The following KCNAB2 variants were observed in gnomAD, a reference collection of about 807,000 sequenced individuals.
KCNAB2 encodes voltage-gated potassium channel subunit beta-2.
In KCNAB2, 29 loss-of-function variants were observed where a neutral mutation model predicts 63.6. That is an observed-to-expected ratio of 0.46 (90% CI 0.34 to 0.62). KCNAB2 has a LOEUF of 0.62. Among genes scored for constraint, KCNAB2 ranks in the 20% least tolerant of loss-of-function variants. The pLI is 0.01. For synonymous variants in KCNAB2, 222 were observed against 224.2 expected, an observed-to-expected ratio of 0.99 and a Z score of 0.09; for missense variants, 359 against 563.9, an observed-to-expected ratio of 0.64 and a Z score of 3.68.
intron 1 of KCNAB2, 59 bp from the exon 2 acceptor site, chr1:6,051,452 A>G: frequency 7.0e-7 from 1 of 1,418,458 alleles, no homozygotes; most frequent in East Asian, 2.6e-5. Flanking sequence ...AGGGCCAGCC[A>G]TCCAGCCTGG....
intron 1 of KCNAB2, among the ~76,000 whole-genome samples, chr1:6,004,564 G>T (rs1185216340): frequency 6.6e-6 from 1 of 151,704 alleles, no homozygotes; most frequent in Non-Finnish European, 1.5e-5. Context: ...AGTGTTCCTT[G>T]GCTTGTAGAA....
At chr1:5,998,425 A>G (rs2102534527) in intron 1 of KCNAB2, among the ~76,000 whole-genome samples, 1 of 152,332 alleles carries the variant, frequency 6.6e-6, no homozygotes. Flanking sequence ...CTTGGACAGC[A>G]GTGCCCACTG....
At position 6,096,614 on chromosome 1, in the gene KCNAB2, T is replaced by G; in HGVS notation, c.949-22T>G. On this transcript the variant is annotated intron_variant, in intron 13 of 15. Transcript: ENST00000378083. This position sits in a 1 kb window ranked among gnomAD's most constrained non-coding sequence, Gnocchi z 5.9. Reference sequence around the variant, plus strand: ...GACCTGCTCTCATCTGTAGCTGTGCTGCTCCCCTCCCCCGCAACCAGGGCT... The same window carrying G: ...GACCTGCTCTCATCTGTAGCTGTGCGGCTCCCCTCCCCCGCAACCAGGGCT... The G allele has an allele frequency of 6.2e-7, 1 of 1,606,728 alleles. No homozygotes were observed. The highest frequency in any genetic ancestry group is 8.5e-7 in the Non-Finnish European group (1 of 1,176,960).
At chr1:6,097,535 C>A (rs1166702576) in intron 15 of KCNAB2, 178 bp downstream of exon 15, 2 of 1,094,230 alleles carry the variant, frequency 1.8e-6, no homozygotes, top group Non-Finnish European at 2.7e-6. Flanking sequence ...GACATGAACA[C>A]TAACTGCACG....
chr1:6,001,287 A>T (rs552327251), intron 1 of KCNAB2, among the ~76,000 whole-genome samples: 1 of 141,966 alleles, frequency 7.0e-6, no homozygotes, highest in South Asian at 2.2e-4. Flanking sequence ...CTCCAGCTGC[A>T]TGTGATCACC....
At chr1:6,097,539 C>G in intron 15 of KCNAB2, 182 bp downstream of exon 15, 1 of 1,050,010 alleles carries the variant, frequency 9.5e-7, no homozygotes, top group Non-Finnish European at 1.4e-6. Flanking sequence ...TGAACACTAA[C>G]TGCACGAAAC....
At chr1:6,091,152 G>T in intron 9 of KCNAB2, 111 bp from the exon 10 acceptor site, 1 of 756,948 alleles carries the variant, frequency 1.3e-6, no homozygotes. Flanking sequence ...TTAACTAAAC[G>T]CGTGTTCTGC....
intron 4 of KCNAB2, among the ~76,000 whole-genome samples, chr1:6,079,040 C>T (rs577094670): frequency 4.3e-4 from 65 of 152,038 alleles, no homozygotes; most frequent in Admixed American, 2.2e-3. Context: ...GGGGAAGCCG[C>T]GGCAGGGGCT....
rs554958421 is a variant in KCNAB2, at chr1:6,074,730, C to T, written c.300+960C>T. On this transcript the variant is annotated intron_variant, in intron 4 of 15. Transcript: ENST00000378083. This position sits in a 1 kb window ranked among gnomAD's most constrained non-coding sequence, Gnocchi z 4.9. ...ACCCCAGCACTTTGGAAGGCTGGGG[C>T]GGGCGGATCACCTGAGGTCAGGAGT... Among the ~76,000 whole-genome samples the T allele has an allele frequency of 3.9e-5, 6 of 152,230 alleles. No individual in the cohort carries two copies. The highest frequency in any genetic ancestry group is 2.1e-4 in the South Asian group (1 of 4,818).
chr1:6,052,150 G>A (rs1037158324), intron 2 of KCNAB2, among the ~76,000 whole-genome samples: 7 of 152,048 alleles, frequency 4.6e-5, no homozygotes, highest in African/African-American at 7.2e-5. Flanking sequence ...GGCCAGGCAC[G>A]GTGGCTCATG....
chr1:6,087,586 C>T lies in KCNAB2; in HGVS notation c.470+75C>T. On this transcript the variant is annotated intron_variant, in intron 7 of 15. Coordinates refer to ENST00000378083, the MANE Select transcript of KCNAB2 (RefSeq NM_001199862.2). The surrounding 1 kb of genome is among the most constrained non-coding windows in gnomAD (Gnocchi z 6.4). The stretch of plus-strand genomic sequence containing the variant: ...CCCCGTGCTCCCCAGAGACCCCTGA[C>T]CTAGAAGGCTCCTGGGGTGGCGGGA... 1 of 1,495,726 alleles carries T rather than the reference C, an allele frequency of 6.7e-7. No homozygotes were observed. The allele number at this position is 1,495,726 out of a possible 1,614,324, so 92.7% of individuals were successfully genotyped here. A position where few individuals can be genotyped will look rare whatever the true frequency, so the allele number is the denominator to read the frequency against.
intron 1 of KCNAB2, among the ~76,000 whole-genome samples, chr1:5,999,370 TC>T (rs932189861): frequency 6.6e-6 from 1 of 152,176 alleles, no homozygotes; most frequent in African/African-American, 2.4e-5. Flanking sequence ...GATCAGGGGT[TC>T]CAAGAACATG....
intron 2 of KCNAB2, among the ~76,000 whole-genome samples, chr1:6,058,937 C>T (rs533358448): frequency 2.6e-4 from 40 of 152,238 alleles, no homozygotes; most frequent in African/African-American, 8.9e-4. Context: ...ATTGGAGCCT[C>T]GGTGGTCATG....
intron 1 of KCNAB2, among the ~76,000 whole-genome samples, chr1:6,012,503 T>G (rs1476961941): frequency 1.6e-3 from 6 of 3,770 alleles, no homozygotes; most frequent in Non-Finnish European, 2.4e-3. Flanking sequence ...CGGAGGTGGG[T>G]GGAGGTGGAG....
At chr1:6,047,825 C>T (rs1278292786) in intron 1 of KCNAB2, among the ~76,000 whole-genome samples, 1 of 152,222 alleles carries the variant, frequency 6.6e-6, no homozygotes, top group African/African-American at 2.4e-5. Context: ...CCCTGCTCCT[C>T]ACCCCACCAC....
chr1:6,095,204 G>C (rs1275690274), intron 11 of KCNAB2, 119 bp from the exon 12 acceptor site: 2 of 1,058,250 alleles, frequency 1.9e-6, no homozygotes, highest in East Asian at 2.6e-5. Flanking sequence ...GGGAGCCCGG[G>C]CTGCAGCTGC....
upstream of KCNAB2, among the ~76,000 whole-genome samples, chr1:6,030,860 GTATGTGTAGGTGTGTGTA>G (rs1659573819): frequency 6.7e-6 from 1 of 148,208 alleles, no homozygotes; most frequent in African/African-American, 2.6e-5. Context: ...GTGTGTGTAT[GTATGTGTAGGTGTGTGTA>G]TGTATGTGTA....
intron 1 of KCNAB2, among the ~76,000 whole-genome samples, chr1:6,040,159 G>A (rs1660377469): frequency 6.6e-6 from 1 of 152,220 alleles, no homozygotes; most frequent in South Asian, 2.1e-4. Context: ...ATGCCCCCTG[G>A]GCGGTCTCTT....
In KCNAB2 at chr1:6,064,149, C is replaced by T. The variant is rs147116609; in HGVS notation, c.219-8606C>T. 5.9e-4 allele frequency among the ~76,000 whole-genome samples: 90 copies of T among 152,354 alleles called. 1 individual carries two copies. The highest frequency in any genetic ancestry group is 3.4e-3 in the Middle Eastern group (1 of 294). On this transcript the variant is annotated intron_variant, in intron 2 of 15. Transcript: ENST00000378083. ...GGATTTCTGCGTCTCACTAGGCCAG[C>T]ATGCGTAGCACCACTTGAAGCTCTT...
Sources: allele counts gnomAD v4.1 joint callset (sites outside exome capture counted in the v4.1 genomes callset), GRCh38; gene constraint gnomAD v4.1.1; non-coding constraint Gnocchi (gnomAD v3.1); transcripts MANE v1.5; gene names NCBI Gene and HGNC (gene_info 2026-07-23, HGNC 2026-07-21).